RTL4: variants seen among roughly 807,000 people sequenced by gnomAD.
RTL4 encodes the protein retrotransposon Gag-like protein 4.
RTL4 carries 4 observed loss-of-function variants against 5.3 expected under a neutral mutation model. The observed-to-expected ratio is 0.75, with a 90% CI of 0.37 to 1.72. The LOEUF (loss-of-function observed/expected upper bound fraction) is 1.72. RTL4 is among the 40% of genes most tolerant of loss of function. The pLI is 0.04. For synonymous variants in RTL4, 98 were observed against 87.3 expected (o/e 1.12, Z -0.68); for missense variants, 260 against 227.1 (o/e 1.14, Z -0.93).
the RTL4 span, among the ~76,000 whole-genome samples, chrX:112,344,143 C>T: frequency 8.9e-6 from 1 of 111,764 alleles, no homozygotes; most frequent in East Asian, 2.8e-4. Flanking sequence ...TACCATGTGC[C>T]AGTCTTGAAA....
the RTL4 span, among the ~76,000 whole-genome samples, chrX:112,168,671 C>T: frequency 7.1e-5 from 8 of 111,903 alleles, no homozygotes; most frequent in Non-Finnish European, 1.5e-4. Flanking sequence ...GCCATGGAAA[C>T]ATCAGAAGGT....
the RTL4 span, among the ~76,000 whole-genome samples, chrX:112,238,716 C>T: frequency 9.0e-6 from 1 of 111,076 alleles, no homozygotes; most frequent in Non-Finnish European, 1.9e-5. Context: ...CCTATATATC[C>T]CAGATGGTGT....
At chrX:112,222,025 A>G in the RTL4 span, among the ~76,000 whole-genome samples, 1 of 111,981 alleles carries the variant, frequency 8.9e-6, no homozygotes, top group South Asian at 3.8e-4. Context: ...CTCACCTTAT[A>G]CACAATAAAT....
the RTL4 span, among the ~76,000 whole-genome samples, chrX:112,249,353 G>A: frequency 1.8e-5 from 2 of 111,199 alleles, no homozygotes; most frequent in Admixed American, 1.9e-4. Flanking sequence ...ATCAACTCTT[G>A]AGATTCAGAC....
At chrX:112,139,775 A>G in the RTL4 span, among the ~76,000 whole-genome samples, 1 of 112,172 alleles carries the variant, frequency 8.9e-6, no homozygotes, top group Admixed American at 9.4e-5. Flanking sequence ...TACTCCCATA[A>G]TTCCCACATG....
At chrX:112,320,323 A>G in the RTL4 span, 3 of 110,200 alleles carry the variant, frequency 2.7e-5, no homozygotes, top group African/African-American at 6.6e-5. Context: ...ATGTATGACC[A>G]TTTTTGAAGC....
At chrX:112,434,495 G>T in the RTL4 span, among the ~76,000 whole-genome samples, 4 of 111,411 alleles carry the variant, frequency 3.6e-5, no homozygotes, top group African/African-American at 9.8e-5. Flanking sequence ...TATCCATTTC[G>T]TCTAGATTTT....
chrX:112,182,956 C>T, the RTL4 span, among the ~76,000 whole-genome samples: 1 of 112,228 alleles, frequency 8.9e-6, no homozygotes, highest in South Asian at 3.7e-4. Flanking sequence ...ATCAGACTAA[C>T]AGCGGATCTC....
chrX:112,144,124 T>C, the RTL4 span, among the ~76,000 whole-genome samples: 31 of 111,370 alleles, frequency 2.8e-4, no homozygotes, highest in African/African-American at 1.0e-3. Flanking sequence ...AACCTTAGAG[T>C]TGCATTTTGG....
At chrX:112,379,054 G>A in the RTL4 span, among the ~76,000 whole-genome samples, 285 of 112,489 alleles carry the variant, frequency 2.5e-3, 3 homozygotes, top group Non-Finnish European at 1.6e-3. Context: ...ATCCACTGAC[G>A]TGTGATCCCA....
At chrX:112,180,354 CAG>C in the RTL4 span, among the ~76,000 whole-genome samples, 97 of 111,655 alleles carry the variant, frequency 8.7e-4, no homozygotes, top group African/African-American at 2.9e-3. Context: ...CCATACATAA[CAG>C]ATATTTGAAT....
upstream of RTL4, among the ~76,000 whole-genome samples, chrX:112,453,619 A>G (rs1926780722): frequency 8.9e-6 from 1 of 111,968 alleles, no homozygotes; most frequent in Admixed American, 9.5e-5. Flanking sequence ...CCCCACAGCA[A>G]TGCAGGCTAG....
At chrX:112,391,947 A>G in the RTL4 span, among the ~76,000 whole-genome samples, 1 of 111,086 alleles carries the variant, frequency 9.0e-6, no homozygotes, top group Non-Finnish European at 1.9e-5. Context: ...TGTTCAGTCC[A>G]GTCAGCCCAG....
chrX:112,393,147 CTTTT>C, the RTL4 span, among the ~76,000 whole-genome samples: 4 of 81,490 alleles, frequency 4.9e-5, no homozygotes, highest in South Asian at 5.4e-4. Context: ...TTCTTTCTTT[CTTTT>C]TTTTTTTTTG....
At chrX:112,419,628 A>ATATGTATAT in the RTL4 span, among the ~76,000 whole-genome samples, 4 of 9,213 alleles carry the variant, frequency 4.3e-4, no homozygotes, top group Admixed American at 1.4e-3. Context: ...TATATATTTA[A>ATATGTATAT]GTATGTAAAT....
At chrX:112,161,788 TCTTCCTTCCTTC>T in the RTL4 span, among the ~76,000 whole-genome samples, 606 of 75,408 alleles carry the variant, frequency 8.0e-3, 26 homozygotes, top group South Asian at 0.035. Context: ...AGGTTGCTTT[TCTTCCTTCCTTC>T]CTTCCTTCCT....
At chrX:112,120,580 G>GTTTTTTTT in the RTL4 span, among the ~76,000 whole-genome samples, 2 of 93,000 alleles carry the variant, frequency 2.2e-5, no homozygotes, top group African/African-American at 7.8e-5. Context: ...CCCGGCTGGG[G>GTTTTTTTT]TTTTTTTTTT....
chrX:112,414,001 T>C, the RTL4 span, among the ~76,000 whole-genome samples: 64 of 111,139 alleles, frequency 5.8e-4, no homozygotes, highest in African/African-American at 2.0e-3. Flanking sequence ...ATTAAAAATT[T>C]AGTTAAAAAA....
At chrX:112,120,433 C>T in the RTL4 span, among the ~76,000 whole-genome samples, 1 of 111,025 alleles carries the variant, frequency 9.0e-6, no homozygotes, top group Non-Finnish European at 1.9e-5. Flanking sequence ...CCCGCCACCA[C>T]GCCTGGCTAA....
Sources: gnomAD v4.1 joint callset for allele counts (sites outside exome capture counted in the v4.1 genomes callset) on GRCh38, gnomAD v4.1.1 for gene constraint, MANE v1.5 for transcripts, NCBI Gene and HGNC (gene_info 2026-07-23, HGNC 2026-07-21) for gene names.